RABGAP1L: variants seen among roughly 807,000 people sequenced by gnomAD.
RABGAP1L encodes rab GTPase-activating protein 1-like.
RABGAP1L carries 63 observed loss-of-function variants against 137.7 expected under a neutral mutation model. The observed-to-expected ratio is 0.46, with a 90% CI of 0.37 to 0.56. The LOEUF (loss-of-function observed/expected upper bound fraction) is 0.56. Among genes scored for constraint, RABGAP1L ranks in the 20% least tolerant of loss-of-function variants. The probability of loss-of-function intolerance (pLI) is 0.00; values close to 1 mark genes in which losing one functional copy is unlikely to be tolerated. For synonymous variants in RABGAP1L, 431 were observed against 433.7 expected (o/e 0.99, Z 0.08); for missense variants, 1,095 against 1,244.0 (o/e 0.88, Z 1.80).
At chr1:174,836,500 A>T (rs1273072685) in intron 19 of RABGAP1L, among the ~76,000 whole-genome samples, 1 of 152,202 alleles carries the variant, frequency 6.6e-6, no homozygotes, top group East Asian at 1.9e-4. Context: ...AAGTTTTTAC[A>T]CTGGGATACA....
At chr1:174,173,644 C>T (rs1665589668) in intron 1 of RABGAP1L, among the ~76,000 whole-genome samples, 1 of 151,414 alleles carries the variant, frequency 6.6e-6, no homozygotes. Context: ...GTTTCATTCT[C>T]TGTCGTTTTT....
At chr1:174,969,472 T>C in intron 21 of RABGAP1L, 85 bp downstream of exon 21, 2 of 1,019,966 alleles carry the variant, frequency 2.0e-6, no homozygotes, top group Non-Finnish European at 1.5e-6. Flanking sequence ...ACTTGCTTTG[T>C]TCTTGACTTT....
In RABGAP1L at chr1:174,702,132, A is replaced by G. The variant is rs777489407; in HGVS notation, c.2045A>G (p.His682Arg). Reference protein sequence around the residue: ...RLMQEQLPDLHSHFSDLNLEA... With the variant: ...RLMQEQLPDLRSHFSDLNLEA... ...TTTTAGGAACAGCTACCGGACCTGC[A>G]TAGCCATTTTTCTGATCTGAACCTG... The change falls in exon 17 of 26, where the codon CAT becomes CGT. Residue 682 changes from histidine to arginine, a missense_variant. Physicochemically the swap from His to Arg is conservative, Grantham distance 29 (BLOSUM62 0). Transcript: ENST00000681986. 25 of 1,611,642 alleles carry G rather than the reference A, an allele frequency of 1.6e-5. No individual in the cohort carries two copies. The highest frequency in any genetic ancestry group is 2.2e-5 in the South Asian group (2 of 90,400).
intron 13 of RABGAP1L, among the ~76,000 whole-genome samples, chr1:174,541,700 C>T (rs1020957970): frequency 2.6e-5 from 4 of 151,872 alleles, no homozygotes; most frequent in Non-Finnish European, 5.9e-5. Context: ...GGCATGAACC[C>T]GGGAGGCGGA....
At chr1:174,550,409 G>GA (rs1198779956) in intron 13 of RABGAP1L, among the ~76,000 whole-genome samples, 1 of 152,142 alleles carries the variant, frequency 6.6e-6, no homozygotes, top group Non-Finnish European at 1.5e-5. Context: ...CCATGCTTCT[G>GA]AAAATCATCG....
intron 13 of RABGAP1L, among the ~76,000 whole-genome samples, chr1:174,419,893 TC>T (rs1651051813): frequency 1.3e-5 from 2 of 152,188 alleles, no homozygotes; most frequent in African/African-American, 4.8e-5. Flanking sequence ...CATTTTTGAT[TC>T]CGGCTGCTTC....
chr1:174,320,514 C>T (rs970792356), intron 11 of RABGAP1L, among the ~76,000 whole-genome samples: 12 of 152,114 alleles, frequency 7.9e-5, no homozygotes, highest in Non-Finnish European at 1.6e-4. Flanking sequence ...TACTGGCTAT[C>T]GTGAATTGTT....
At chr1:174,257,680 C>T (rs1487506359) in intron 7 of RABGAP1L, among the ~76,000 whole-genome samples, 1 of 152,068 alleles carries the variant, frequency 6.6e-6, no homozygotes, top group Non-Finnish European at 1.5e-5. Context: ...AGAGAAAATG[C>T]CTTTTGAATC....
intron 4 of RABGAP1L, among the ~76,000 whole-genome samples, chr1:174,236,833 T>C (rs1167119787): frequency 8.0e-5 from 9 of 112,554 alleles, no homozygotes; most frequent in Non-Finnish European, 1.6e-4. Context: ...TTGTTGACTT[T>C]CTGTCTCGTT....
intron 19 of RABGAP1L, among the ~76,000 whole-genome samples, chr1:174,904,786 C>G (rs1241639726): frequency 6.6e-6 from 1 of 151,944 alleles, no homozygotes; most frequent in Admixed American, 6.6e-5. Flanking sequence ...AGTATTGGGA[C>G]TACAGGTGGG....
chr1:174,409,710 A>G (rs1285468392), intron 13 of RABGAP1L, among the ~76,000 whole-genome samples: 2 of 152,166 alleles, frequency 1.3e-5, no homozygotes, highest in African/African-American at 4.8e-5. Flanking sequence ...GGAGGGGTCT[A>G]TAAACGGCCA....
intron 13 of RABGAP1L, among the ~76,000 whole-genome samples, chr1:174,421,611 A>G (rs1322267200): frequency 2.0e-5 from 3 of 152,146 alleles, no homozygotes; most frequent in Non-Finnish European, 4.4e-5. Flanking sequence ...TTATTTGAAC[A>G]TTCTCTATTT....
chr1:174,943,160 T>C (rs1666174397), intron 19 of RABGAP1L, among the ~76,000 whole-genome samples: 1 of 152,212 alleles, frequency 6.6e-6, no homozygotes, highest in Admixed American at 6.5e-5. Flanking sequence ...CCCTTAAACA[T>C]GCATCCTTTT....
chr1:174,820,969 A>G (rs928973918), intron 19 of RABGAP1L, among the ~76,000 whole-genome samples: 10 of 151,332 alleles, frequency 6.6e-5, no homozygotes, highest in South Asian at 2.1e-4. Context: ...GTGAACTGAC[A>G]TTGCACCACT....
At chr1:174,618,020 T>G (rs1417397108) in intron 13 of RABGAP1L, among the ~76,000 whole-genome samples, 1 of 152,350 alleles carries the variant, frequency 6.6e-6, no homozygotes, top group East Asian at 1.9e-4. Flanking sequence ...TGGAGGGTCC[T>G]ATGCCCACGG....
At chr1:174,383,720 T>C (rs1039439396) in intron 12 of RABGAP1L, among the ~76,000 whole-genome samples, 2 of 152,032 alleles carry the variant, frequency 1.3e-5, no homozygotes, top group Non-Finnish European at 2.9e-5. Flanking sequence ...ACCCGGTACC[T>C]CAGATGGAAA....
intron 1 of RABGAP1L, among the ~76,000 whole-genome samples, chr1:174,192,016 GT>G (rs1396548958): frequency 6.6e-6 from 1 of 152,086 alleles, no homozygotes; most frequent in Admixed American, 6.6e-5. Context: ...TATTGACTTA[GT>G]TTTTTTCAAA....
chr1:174,274,449 C>T (rs559009824), intron 8 of RABGAP1L, among the ~76,000 whole-genome samples: 48 of 152,188 alleles, frequency 3.2e-4, no homozygotes, highest in African/African-American at 8.9e-4. Context: ...GGTACAGTAA[C>T]GTGCTGTACA....
At chr1:174,629,540 TA>T (rs1275489852) in intron 13 of RABGAP1L, among the ~76,000 whole-genome samples, 1 of 152,156 alleles carries the variant, frequency 6.6e-6, no homozygotes, top group African/African-American at 2.4e-5. Context: ...TTATTTTAAT[TA>T]ATTTTTTTTT....
Sources: gnomAD v4.1 joint callset for allele counts (sites outside exome capture counted in the v4.1 genomes callset) on GRCh38, gnomAD v4.1.1 for gene constraint, MANE v1.5 for transcripts, NCBI Gene and HGNC (gene_info 2026-07-23, HGNC 2026-07-21) for gene names.